Variants in TTC7B observed in about 807,000 individuals in gnomAD.
The protein encoded by TTC7B is tetratricopeptide repeat domain 7B.
A neutral mutation model predicts 106.8 loss-of-function variants in TTC7B; 28 were observed. The observed-to-expected ratio is 0.26, with a 90% CI of 0.19 to 0.36. The LOEUF (loss-of-function observed/expected upper bound fraction) is 0.36. Among genes scored for constraint, TTC7B ranks in the 10% least tolerant of loss-of-function variants. TTC7B has a pLI of 1.00. For missense variants in TTC7B, 862 were observed against 1,076.4 expected (o/e 0.80, Z 2.79); for synonymous variants, 405 against 430.6 (o/e 0.94, Z 0.74).
chr14:90,706,588 G>C lies in TTC7B; in HGVS notation c.699-11010C>G, dbSNP rs559285059. On this transcript the variant is annotated intron_variant, in intron 5 of 19. Coordinates refer to ENST00000328459, the MANE Select transcript of TTC7B (RefSeq NM_001010854.2). ...TTCAAAATACTGAATTAGAACTCAT[G>C]AACTTAAGCTCATTTGATTAGTCTA... is the stretch of plus-strand genomic sequence containing the variant. 5.4e-4 allele frequency among the ~76,000 whole-genome samples: 82 copies of C among 152,288 alleles called. 1 individual carries two copies. Among genetic ancestry groups the C allele is most frequent in the African/African-American group, 1.8e-3 (76 of 41,566 alleles).
intron 15 of TTC7B, among the ~76,000 whole-genome samples, chr14:90,627,049 CGAGG>C (rs1421163939): frequency 6.6e-6 from 1 of 151,996 alleles, no homozygotes; most frequent in African/African-American, 2.4e-5. Flanking sequence ...TGCAGTGGCT[CGAGG>C]GTCAAGACCC....
At chr14:90,573,636 T>G (rs1430927238) in intron 19 of TTC7B, among the ~76,000 whole-genome samples, 2 of 150,130 alleles carry the variant, frequency 1.3e-5, no homozygotes, top group East Asian at 4.0e-4. Flanking sequence ...TCATGGTCCC[T>G]TTCGGGCTCA....
chr14:90,560,081 G>A (rs1395522093), intron 19 of TTC7B, among the ~76,000 whole-genome samples: 2 of 152,206 alleles, frequency 1.3e-5, no homozygotes, highest in East Asian at 1.9e-4. Flanking sequence ...ATTTGGCACC[G>A]TTCTTCTCTG....
At chr14:90,613,460 T>G (rs1477867295) in intron 16 of TTC7B, among the ~76,000 whole-genome samples, 1 of 152,200 alleles carries the variant, frequency 6.6e-6, no homozygotes, top group African/African-American at 2.4e-5. Context: ...CTTGAAGCAA[T>G]TTTTAGTTCT....
intron 3 of TTC7B, among the ~76,000 whole-genome samples, chr14:90,763,057 C>T (rs1209619287): frequency 2.6e-5 from 4 of 152,132 alleles, no homozygotes; most frequent in Non-Finnish European, 5.9e-5. Context: ...ATGACACCAG[C>T]GTAACATTGA....
In TTC7B at chr14:90,600,344, T is replaced by C. The variant is rs575649342; in HGVS notation, c.1967-6718A>G. Among the ~76,000 whole-genome samples the C allele has an allele frequency of 6.6e-6, 1 of 152,258 alleles. No homozygotes were observed. Among genetic ancestry groups the C allele is most frequent in the South Asian group, 2.1e-4 (1 of 4,818 alleles). On this transcript the variant is annotated intron_variant, in intron 17 of 19. Transcript: ENST00000328459. The surrounding 1 kb of genome is among the most constrained non-coding windows in gnomAD (Gnocchi z 4.3). The stretch of plus-strand genomic sequence containing the variant: ...ACAGCTCTCCTCTCCATCTGCTGCT[T>C]CCCTGGGAGCTGCCCTCGCGCCTTG...
chr14:90,680,837 T>G (rs1252002354), intron 7 of TTC7B, among the ~76,000 whole-genome samples: 4 of 152,206 alleles, frequency 2.6e-5, no homozygotes, highest in African/African-American at 9.7e-5. Flanking sequence ...ATTGACATTA[T>G]CTAAATAATA....
intron 5 of TTC7B, among the ~76,000 whole-genome samples, chr14:90,702,283 G>A (rs1479217894): frequency 6.6e-6 from 1 of 152,076 alleles, no homozygotes; most frequent in Non-Finnish European, 1.5e-5. Context: ...AGTAACAACT[G>A]TATTGCCCTC....
At position 90,816,299 on chromosome 14, in the gene TTC7B, G is replaced by A. The variant is rs1350085665; in HGVS notation, c.-4C>T. On this transcript the variant is annotated 5_prime_UTR_variant, in exon 1 of 20. Transcript: ENST00000328459. ...AGCCTGCCTTCTTGGTCGCCATCGC[G>A]GCCTGGCCGGGCCCGGCCGCCCGCC... The A allele has an allele frequency of 4.3e-6, 5 of 1,157,922 alleles. No individual in the cohort carries two copies. The highest frequency in any genetic ancestry group is 5.5e-6 in the Non-Finnish European group (5 of 916,610). The allele number at this position is 1,157,922 out of a possible 1,614,324, so 71.7% of individuals were successfully genotyped here. A position where few individuals can be genotyped will look rare whatever the true frequency, so the allele number is the denominator to read the frequency against.
At chr14:90,730,786 C>T (rs556922381) in intron 4 of TTC7B, among the ~76,000 whole-genome samples, 1 of 152,340 alleles carries the variant, frequency 6.6e-6, no homozygotes, top group South Asian at 2.1e-4. Context: ...AAAGGGAGAG[C>T]TGAGCAAAAC....
intron 16 of TTC7B, 121 bp downstream of exon 16, chr14:90,617,807 TG>T: frequency 2.8e-6 from 2 of 723,032 alleles, no homozygotes; most frequent in Non-Finnish European, 4.8e-6. Context: ...CTGCCACTTG[TG>T]GGGGCCTGGA....
chr14:90,581,876 A>G (rs1451162009), intron 18 of TTC7B, among the ~76,000 whole-genome samples: 4 of 152,122 alleles, frequency 2.6e-5, no homozygotes, highest in Non-Finnish European at 5.9e-5. Context: ...CCTTCACGTG[A>G]TGGGGAAATG....
At position 90,593,857 on chromosome 14, in the gene TTC7B, G is replaced by A. The variant is rs1892089042; in HGVS notation, c.1967-231C>T. On this transcript the variant is annotated intron_variant, in intron 17 of 19. Transcript: ENST00000328459. ...AACAGAGCACATGCCCCCTCCAGGA[G>A]CTCAGCCTAGCGGTGTGAGTGCTGG... 1.0e-5 allele frequency: 4 copies of A among 396,780 alleles called. No homozygotes were observed. The East Asian group carries it at 1.6e-4, about 16-fold the overall frequency. The allele number at this position is 396,780 out of a possible 1,614,324, so 24.6% of individuals were successfully genotyped here.
rs114239525 is a variant in TTC7B, at chr14:90,760,481, T to C, written c.446-15559A>G. On this transcript the variant is annotated intron_variant, in intron 3 of 19. Coordinates refer to ENST00000328459, the MANE Select transcript of TTC7B (RefSeq NM_001010854.2). ...CTCCTGATTATCTCAACATGATACA[T>C]TTAAACCTCACACTGGCTTGTCCTG... 1.6e-3 allele frequency among the ~76,000 whole-genome samples: 244 copies of C among 152,294 alleles called. 1 individual carries two copies. Among genetic ancestry groups the C allele is most frequent in the African/African-American group, 5.7e-3 (239 of 41,568 alleles).
chr14:90,802,368 G>A lies in TTC7B; in HGVS notation c.121+13807C>T, dbSNP rs2030326863. Among the ~76,000 whole-genome samples the A allele has an allele frequency of 6.6e-6, 1 of 152,106 alleles. No homozygotes were observed. Among genetic ancestry groups the A allele is most frequent in the Non-Finnish European group, 1.5e-5 (1 of 68,018 alleles). On this transcript the variant is annotated intron_variant, in intron 1 of 19. Coordinates refer to ENST00000328459, the MANE Select transcript of TTC7B (RefSeq NM_001010854.2). This position sits in a 1 kb window ranked among gnomAD's most constrained non-coding sequence, Gnocchi z 4.7. ...AAGGGTCAGGAGAGAAGTGAAGGCT[G>A]TGGCAGCCCGGTCCTGAGAGGGTGA...
intron 5 of TTC7B, among the ~76,000 whole-genome samples, chr14:90,725,036 C>T (rs937711799): frequency 1.3e-5 from 2 of 152,156 alleles, no homozygotes; most frequent in African/African-American, 2.4e-5. Context: ...TTTTCATCTC[C>T]GTATCTCTTG....
chr14:90,623,985 C>T (rs1027739876), intron 15 of TTC7B, among the ~76,000 whole-genome samples: 1 of 152,208 alleles, frequency 6.6e-6, no homozygotes, highest in African/African-American at 2.4e-5. Context: ...GGCGCCACTG[C>T]ACTCCAGCCT....
chr14:90,714,606 G>T (rs545423750), intron 5 of TTC7B, among the ~76,000 whole-genome samples: 1 of 151,888 alleles, frequency 6.6e-6, no homozygotes, highest in Non-Finnish European at 1.5e-5. Context: ...ACAGGCGGCT[G>T]TCACCAAGCC....
Position 90,608,602 on chromosome 14 carries a change from G to C in TTC7B, c.1966+2140C>G, listed in dbSNP as rs971439263. ...GGCTGCATCAGTACCACTAAGCAGA[G>C]GGGGAGGAGGAAGACCCGGGGGCCA... On this transcript the variant is annotated intron_variant, in intron 17 of 19. Transcript: ENST00000328459. The surrounding 1 kb of genome is among the most constrained non-coding windows in gnomAD (Gnocchi z 5.1). Among the ~76,000 whole-genome samples, 1 of 152,120 alleles carries C rather than the reference G, an allele frequency of 6.6e-6. No individual in the cohort carries two copies. Among genetic ancestry groups the C allele is most frequent in the Non-Finnish European group, 1.5e-5 (1 of 68,022 alleles).
Sources: gnomAD v4.1 joint callset for allele counts (sites outside exome capture counted in the v4.1 genomes callset) on GRCh38, gnomAD v4.1.1 for gene constraint, Gnocchi (gnomAD v3.1) non-coding constraint, MANE v1.5 for transcripts, NCBI Gene and HGNC (gene_info 2026-07-23, HGNC 2026-07-21) for gene names.